CYBB: variants seen among roughly 807,000 people sequenced by gnomAD.
CYBB encodes the protein NADPH oxidase 2.
Under a neutral mutation model 46.5 loss-of-function variants are expected in CYBB, and 5 were observed. The observed-to-expected ratio is 0.11, with a 90% CI of 0.06 to 0.23. The LOEUF (loss-of-function observed/expected upper bound fraction) is 0.23, where lower values mean the gene tolerates loss of function less well. CYBB is among the 10% of genes least tolerant of loss of function. CYBB has a pLI of 1.00. For missense variants in CYBB, 307 were observed against 428.3 expected, an observed-to-expected ratio of 0.72 and a Z score of 2.50; for synonymous variants, 183 against 156.7, an observed-to-expected ratio of 1.17 and a Z score of -1.26.
intron 3 of CYBB, among the ~76,000 whole-genome samples, chrX:37,788,231 C>T (rs1478993265): frequency 1.1e-4 from 12 of 111,777 alleles, no homozygotes; most frequent in Admixed American, 4.7e-4. Context: ...TGTTCCACAA[C>T]AAAACCATAT....
intron 6 of CYBB, 27 bp downstream of exon 6, chrX:37,796,168 G>A: frequency 8.7e-7 from 1 of 1,150,257 alleles, no homozygotes; most frequent in Non-Finnish European, 1.2e-6. Context: ...TGAAGTGAAG[G>A]ATTTCATGTC....
At chrX:37,780,255 A>C in intron 1 of CYBB, 133 bp downstream of exon 1, 1 of 536,388 alleles carries the variant, frequency 1.9e-6, no homozygotes. Context: ...ACCTATATCT[A>C]TCTGTAAACA....
chrX:37,806,302 T>A, intron 10 of CYBB, 85 bp from the exon 11 acceptor site: 2 of 1,009,116 alleles, frequency 2.0e-6, no homozygotes, highest in Non-Finnish European at 2.8e-6. Context: ...AGAAAAAGTT[T>A]AGGTGACAGA....
In CYBB at chrX:37,811,125, C is replaced by T. The variant is rs953531998; in HGVS notation, c.*208C>T. On this transcript the variant is annotated 3_prime_UTR_variant, in exon 13 of 13. Transcript: ENST00000378588. The stretch of plus-strand genomic sequence containing the variant: ...ATGGTTTTGAGAGCACTTTTACAAA[C>T]ATTATTTCATTTTTTTCCTCTCAGT... 1.1e-5 allele frequency: 4 copies of T among 353,141 alleles called. No individual in the cohort carries two copies. The highest frequency in any genetic ancestry group is 5.3e-5 in the African/African-American group (2 of 38,022). The allele number at this position is 353,141 out of a possible 1,213,427, so 29.1% of individuals were successfully genotyped here.
intron 6 of CYBB, 111 bp downstream of exon 6, chrX:37,796,252 T>C: frequency 1.5e-6 from 1 of 679,098 alleles, no homozygotes. Context: ...GCCTGTCTGC[T>C]AAGGGAATGT....
intron 3 of CYBB, among the ~76,000 whole-genome samples, chrX:37,790,082 A>C (rs1314032954): frequency 8.9e-6 from 1 of 111,968 alleles, no homozygotes; most frequent in Admixed American, 9.5e-5. Context: ...CAAGCTTCTT[A>C]ACCCGTTAGG....
intron 1 of CYBB, among the ~76,000 whole-genome samples, chrX:37,780,654 A>G (rs781955852): frequency 1.8e-5 from 2 of 110,661 alleles, no homozygotes; most frequent in South Asian, 7.4e-4. Flanking sequence ...AAGATTTATA[A>G]AAATTCAAAA....
intron 2 of CYBB, among the ~76,000 whole-genome samples, chrX:37,783,050 TAACTC>T (rs1928986663): frequency 9.0e-6 from 1 of 111,443 alleles, no homozygotes; most frequent in Non-Finnish European, 1.9e-5. Context: ...TCTTGATACT[TAACTC>T]TAGTTAATGA....
intron 11 of CYBB, among the ~76,000 whole-genome samples, chrX:37,808,069 G>T (rs1929599893): frequency 8.9e-6 from 1 of 112,397 alleles, no homozygotes; most frequent in African/African-American, 3.2e-5. Flanking sequence ...GCTAAGGCAA[G>T]AGTCTCTGCA....
In CYBB at chrX:37,812,548, G is replaced by A. The variant is rs1929696258; in HGVS notation, c.*1631G>A. On this transcript the variant is annotated 3_prime_UTR_variant, in exon 13 of 13. Transcript: ENST00000378588. ...TTGATATGTATAGAATATAATTGAA[G>A]GAGGTATACACATATTGATGTTGTT... The A allele has an allele frequency of 9.0e-6, 1 of 111,714 alleles. No homozygotes were observed. Among genetic ancestry groups the A allele is most frequent in the African/African-American group, 3.3e-5 (1 of 30,673 alleles). The allele number at this position is 111,714 out of a possible 1,213,427, so 9.2% of individuals were successfully genotyped here. A position where few individuals can be genotyped will look rare whatever the true frequency, so the allele number is the denominator to read the frequency against.
intron 1 of CYBB, among the ~76,000 whole-genome samples, chrX:37,780,847 A>T (rs1309533379): frequency 1.8e-5 from 2 of 111,587 alleles, no homozygotes; most frequent in East Asian, 2.8e-4. Context: ...CTGTTCTCTT[A>T]AAATGGTGTT....
intron 11 of CYBB, among the ~76,000 whole-genome samples, chrX:37,809,141 T>A (rs1286122021): frequency 8.9e-6 from 1 of 112,188 alleles, no homozygotes; most frequent in African/African-American, 3.2e-5. Flanking sequence ...AATTGTTACA[T>A]CTCTTAGTAA....
chrX:37,801,024 A>G (rs906196004), intron 7 of CYBB, among the ~76,000 whole-genome samples: 41 of 112,417 alleles, frequency 3.6e-4, no homozygotes, highest in African/African-American at 1.3e-3. Flanking sequence ...TTATCTTGTC[A>G]GTACAGTTCC....
intron 7 of CYBB, among the ~76,000 whole-genome samples, chrX:37,799,465 G>T (rs1203064706): frequency 9.0e-6 from 1 of 111,521 alleles, no homozygotes; most frequent in African/African-American, 3.3e-5. Flanking sequence ...GGAGCAAAGG[G>T]CCTCTTCAGA....
At chrX:37,790,527 C>T (rs1929176207) in intron 3 of CYBB, among the ~76,000 whole-genome samples, 1 of 111,908 alleles carries the variant, frequency 8.9e-6, no homozygotes, top group African/African-American at 3.2e-5. Context: ...ACCTAGTTCA[C>T]AGAAGGAATT....
intron 6 of CYBB, 25 bp downstream of exon 6, chrX:37,796,166 A>G: frequency 8.7e-7 from 1 of 1,154,863 alleles, no homozygotes; most frequent in Non-Finnish European, 1.2e-6. Context: ...TCTGAAGTGA[A>G]GGATTTCATG....
At chrX:37,784,971 T>C (rs1166098674) in intron 3 of CYBB, among the ~76,000 whole-genome samples, 1 of 112,336 alleles carries the variant, frequency 8.9e-6, no homozygotes, top group African/African-American at 3.2e-5. Flanking sequence ...TAACTTGCCT[T>C]GAACTCTGCC....
Position 37,809,678 on chromosome X carries a change from A to T in CYBB, c.1573A>T (p.Ser525Cys), listed in dbSNP as rs140677309. 1.7e-6 allele frequency: 2 copies of T among 1,208,050 alleles called. No homozygotes were observed. The highest frequency in any genetic ancestry group is 3.0e-5 in the East Asian group (1 of 33,728). ...GGATAATGAATTCAAGACAATTGCA[A>T]GTCAACACCCTAAGTAAGGAGTCTG... ...NWDNEFKTIA[S>C]QHPNTRIGVF... is the part of the protein sequence containing the mutation. The change falls in exon 12 of 13, where the codon AGT becomes TGT. Residue 525 changes from serine to cysteine, a missense_variant. This residue lies in a region of CYBB where 122 missense variants were observed against 208.3 expected (regional missense o/e 0.59). Coordinates refer to ENST00000378588, the MANE Select transcript of CYBB (RefSeq NM_000397.4).
intron 3 of CYBB, among the ~76,000 whole-genome samples, chrX:37,784,160 T>C (rs1929011049): frequency 9.0e-6 from 1 of 111,529 alleles, no homozygotes; most frequent in Admixed American, 9.5e-5. Flanking sequence ...TGTACTGTGC[T>C]AGAAGGGGGA....
Sources: gnomAD v4.1 joint callset for allele counts (sites outside exome capture counted in the v4.1 genomes callset) on GRCh38, gnomAD v4.1.1 for gene constraint, gnomAD v4.1.1 regional missense constraint, MANE v1.5 for transcripts, NCBI Gene and HGNC (gene_info 2026-07-23, HGNC 2026-07-21) for gene names.